TMEM132C: variants seen among roughly 807,000 people sequenced by gnomAD.
The protein encoded by TMEM132C is transmembrane protein 132C.
A neutral mutation model predicts 61.4 loss-of-function variants in TMEM132C; 29 were observed. The observed-to-expected ratio is 0.47, with a 90% confidence interval of 0.35 to 0.64. The LOEUF (loss-of-function observed/expected upper bound fraction) is 0.64. Among genes scored for constraint, TMEM132C ranks in the 30% least tolerant of loss-of-function variants. The pLI is 0.00. For missense variants in TMEM132C, 1,408 were observed against 1,476.9 expected (o/e 0.95, Z 0.76); for synonymous variants, 656 against 633.1 (o/e 1.04, Z -0.54).
At chr12:128,507,330 G>GAAGAAA (rs1175661306) in intron 2 of TMEM132C, among the ~76,000 whole-genome samples, 1 of 151,406 alleles carries the variant, frequency 6.6e-6, no homozygotes, top group Non-Finnish European at 1.5e-5. Context: ...TCGAGAGAGA[G>GAAGAAA]AAGAAACTGA....
intron 5 of TMEM132C, among the ~76,000 whole-genome samples, chr12:128,672,975 T>A (rs1954547063): frequency 6.6e-6 from 1 of 152,230 alleles, no homozygotes. Flanking sequence ...TGACAGTCAC[T>A]GTATCAGCAT....
At chr12:128,585,537 GA>G (rs1434970512) in intron 3 of TMEM132C, among the ~76,000 whole-genome samples, 59 of 152,378 alleles carry the variant, frequency 3.9e-4, no homozygotes, top group African/African-American at 1.4e-3. Context: ...AAGGCACTGA[GA>G]CATCTATCAT....
At chr12:128,656,441 A>T (rs1954326178) in intron 4 of TMEM132C, among the ~76,000 whole-genome samples, 1 of 152,236 alleles carries the variant, frequency 6.6e-6, no homozygotes, top group Non-Finnish European at 1.5e-5. Context: ...AGTAGCAGGA[A>T]GGGAAAAAGG....
At chr12:128,395,130 CAT>C (rs1044316972) in intron 1 of TMEM132C, among the ~76,000 whole-genome samples, 13 of 150,842 alleles carry the variant, frequency 8.6e-5, no homozygotes, top group South Asian at 2.1e-4. Context: ...GTTATTGTAA[CAT>C]AATTATTATA....
At chr12:128,551,255 G>A (rs530567732) in intron 3 of TMEM132C, among the ~76,000 whole-genome samples, 16 of 151,036 alleles carry the variant, frequency 1.1e-4, no homozygotes, top group East Asian at 5.8e-4. Flanking sequence ...CCTCTTAGAC[G>A]GGGAGAGAGC....
intron 5 of TMEM132C, among the ~76,000 whole-genome samples, chr12:128,671,710 G>A (rs565364397): frequency 1.3e-5 from 2 of 152,254 alleles, no homozygotes; most frequent in South Asian, 2.1e-4. Context: ...ACACAGCGAC[G>A]TCCACACTCA....
At chr12:128,638,238 G>A (rs1394867355) in intron 4 of TMEM132C, among the ~76,000 whole-genome samples, 1 of 152,140 alleles carries the variant, frequency 6.6e-6, no homozygotes, top group East Asian at 1.9e-4. Flanking sequence ...GTCTTGTTTT[G>A]TCTTTCTTGG....
intron 4 of TMEM132C, among the ~76,000 whole-genome samples, chr12:128,639,114 GTGA>G (rs573326162): frequency 3.1e-4 from 46 of 148,012 alleles, no homozygotes; most frequent in East Asian, 1.4e-3. Flanking sequence ...AATGACAGTG[GTGA>G]TGATGATGAT....
At chr12:128,296,275 A>AAT (rs1364039089) in intron 1 of TMEM132C, among the ~76,000 whole-genome samples, 2 of 152,202 alleles carry the variant, frequency 1.3e-5, no homozygotes, top group Non-Finnish European at 2.9e-5. Flanking sequence ...GTCTGCCTTA[A>AAT]ATGGTAAGGA....
At chr12:128,524,110 T>G (rs1873006010) in intron 2 of TMEM132C, among the ~76,000 whole-genome samples, 1 of 152,180 alleles carries the variant, frequency 6.6e-6, no homozygotes, top group Non-Finnish European at 1.5e-5. Flanking sequence ...TCATTCCCAT[T>G]TCTCTGTACT....
intron 2 of TMEM132C, among the ~76,000 whole-genome samples, chr12:128,473,257 C>T (rs1432936076): frequency 5.1e-4 from 41 of 80,574 alleles, no homozygotes; most frequent in South Asian, 3.3e-3. Flanking sequence ...TATCTTCATC[C>T]TCACTCCAAC....
At chr12:128,317,859 C>A (rs1346114287) in intron 1 of TMEM132C, among the ~76,000 whole-genome samples, 1 of 152,180 alleles carries the variant, frequency 6.6e-6, no homozygotes, top group Non-Finnish European at 1.5e-5. Flanking sequence ...GATCACTCCA[C>A]TGTACTCCAT....
At chr12:128,585,310 G>T (rs1875502550) in intron 3 of TMEM132C, among the ~76,000 whole-genome samples, 2 of 152,178 alleles carry the variant, frequency 1.3e-5, no homozygotes, top group African/African-American at 4.8e-5. Flanking sequence ...TCTTGCAGGA[G>T]TGTGTCCTGG....
chr12:128,422,100 C>T (rs1006647265), intron 2 of TMEM132C, among the ~76,000 whole-genome samples: 3 of 148,960 alleles, frequency 2.0e-5, no homozygotes, highest in Non-Finnish European at 1.5e-5. Context: ...TTTACTTTTC[C>T]AAGGATGTTC....
At chr12:128,371,485 A>G (rs993445252) in intron 1 of TMEM132C, among the ~76,000 whole-genome samples, 2 of 152,198 alleles carry the variant, frequency 1.3e-5, no homozygotes, top group Admixed American at 6.5e-5. Context: ...AGGGAGAAGC[A>G]TACTCTTTGC....
chr12:128,453,720 G>A (rs1870253427), intron 2 of TMEM132C, among the ~76,000 whole-genome samples: 1 of 152,212 alleles, frequency 6.6e-6, no homozygotes, highest in Non-Finnish European at 1.5e-5. Context: ...ATAGAAAAAA[G>A]TGGATGACTC....
intron 1 of TMEM132C, among the ~76,000 whole-genome samples, chr12:128,346,593 GTTC>G (rs144188934): frequency 1.3e-5 from 2 of 152,222 alleles, no homozygotes; most frequent in East Asian, 3.9e-4. Flanking sequence ...CTGTTTTGTA[GTTC>G]TTCTTATAGA....
At chr12:128,366,033 C>T (rs1873857110) in intron 1 of TMEM132C, among the ~76,000 whole-genome samples, 1 of 152,212 alleles carries the variant, frequency 6.6e-6, no homozygotes, top group South Asian at 2.1e-4. Flanking sequence ...ACATTGCCCG[C>T]TTTGTTGCCG....
At position 128,589,808 on chromosome 12, in the gene TMEM132C, T is replaced by C. The variant is rs1332134434; in HGVS notation, c.1122-26344T>C. Among the ~76,000 whole-genome samples the C allele has an allele frequency of 3.3e-5, 5 of 152,302 alleles. No homozygotes were observed. In the East Asian group the frequency reaches 9.7e-4, roughly 29 times the overall value. On this transcript the variant is annotated intron_variant, in intron 3 of 8. Coordinates refer to ENST00000435159, the MANE Select transcript of TMEM132C (RefSeq NM_001136103.3). ...AGTGCAGCCTTGGGCAAGGTACTTA[T>C]GCTTTCTATGCCTCAGTTTTCTCAC...
Sources: gnomAD v4.1 joint callset for allele counts (sites outside exome capture counted in the v4.1 genomes callset) on GRCh38, gnomAD v4.1.1 for gene constraint, MANE v1.5 for transcripts, NCBI Gene and HGNC (gene_info 2026-07-23, HGNC 2026-07-21) for gene names.